The following PHACTR1 variants were observed in gnomAD, a reference collection of about 807,000 sequenced individuals.
The protein encoded by PHACTR1 is RPEL repeat containing 1.
In PHACTR1, 16 loss-of-function variants were observed where a neutral mutation model predicts 69.2. The ratio of observed to expected loss-of-function variants is 0.23; its 90% CI spans 0.16 to 0.35. The LOEUF is 0.35. Among genes scored for constraint, PHACTR1 ranks in the 10% least tolerant of loss-of-function variants. The pLI is 1.00. For synonymous variants in PHACTR1, 312 were observed against 284.5 expected (o/e 1.10, Z -0.97); for missense variants, 510 against 734.7 (o/e 0.69, Z 3.54).
intron 4 of PHACTR1, among the ~76,000 whole-genome samples, chr6:12,855,420 C>A (rs1256871138): frequency 6.6e-6 from 1 of 152,112 alleles, no homozygotes; most frequent in African/African-American, 2.4e-5. Flanking sequence ...CCAATGCACC[C>A]TAGCCTGGGA....
At chr6:12,751,412 G>A (rs1184518225) in intron 4 of PHACTR1, among the ~76,000 whole-genome samples, 1 of 152,180 alleles carries the variant, frequency 6.6e-6, no homozygotes, top group Non-Finnish European at 1.5e-5. Context: ...ACAAAGGACC[G>A]ATAATAGTTT....
At chr6:13,112,668 A>G (rs1051394996) in intron 5 of PHACTR1, among the ~76,000 whole-genome samples, 4 of 152,114 alleles carry the variant, frequency 2.6e-5, no homozygotes, top group Non-Finnish European at 5.9e-5. Context: ...TATGTTGGCC[A>G]CTTGTCATTT....
intron 5 of PHACTR1, among the ~76,000 whole-genome samples, chr6:13,084,634 A>T (rs561041772): frequency 6.6e-6 from 1 of 152,230 alleles, no homozygotes; most frequent in East Asian, 1.9e-4. Context: ...TCTTTTATCA[A>T]TGTAAATAAG....
intron 4 of PHACTR1, among the ~76,000 whole-genome samples, chr6:12,768,263 C>T (rs1052747552): frequency 3.9e-5 from 6 of 151,988 alleles, no homozygotes; most frequent in African/African-American, 1.5e-4. Context: ...TACTGGCACC[C>T]GCCACCATGC....
At chr6:13,052,776 T>A (rs9296591) in intron 4 of PHACTR1, among the ~76,000 whole-genome samples, 11,657 of 152,138 alleles carry the variant, frequency 0.077, 1,464 homozygotes, top group African/African-American at 0.27. Context: ...CAATTGTAAA[T>A]TCTAATGGAA....
At chr6:13,008,289 G>A (rs771644917) in intron 4 of PHACTR1, among the ~76,000 whole-genome samples, 1 of 152,186 alleles carries the variant, frequency 6.6e-6, no homozygotes, top group African/African-American at 2.4e-5. Context: ...ATATGCAGGA[G>A]TGACATTCAA....
intron 10 of PHACTR1, among the ~76,000 whole-genome samples, chr6:13,260,122 TGTACTAA>T (rs1254579788): frequency 7.2e-5 from 11 of 152,220 alleles, no homozygotes; most frequent in African/African-American, 2.7e-4. Flanking sequence ...TGCCAGCTGC[TGTACTAA>T]GTACTAAGAA....
At chr6:12,868,019 G>A (rs1212384202) in intron 4 of PHACTR1, among the ~76,000 whole-genome samples, 1 of 152,104 alleles carries the variant, frequency 6.6e-6, no homozygotes, top group Non-Finnish European at 1.5e-5. Flanking sequence ...CAGCACTTTG[G>A]GAGGCCAAGG....
chr6:13,172,266 G>A (rs1425166493), intron 6 of PHACTR1, among the ~76,000 whole-genome samples: 3 of 152,146 alleles, frequency 2.0e-5, no homozygotes, highest in Non-Finnish European at 4.4e-5. Flanking sequence ...CCCAGAAATA[G>A]CAAGATGGTA....
chr6:12,944,787 A>ATTTATTTTTT (rs1554172585), intron 4 of PHACTR1, among the ~76,000 whole-genome samples: 50 of 116,388 alleles, frequency 4.3e-4, no homozygotes, highest in African/African-American at 1.5e-3. Context: ...ATTTTTATTT[A>ATTTATTTTTT]TTTTTTTTTT....
intron 3 of PHACTR1, among the ~76,000 whole-genome samples, chr6:12,741,052 A>AT (rs1188317514): frequency 6.6e-6 from 1 of 151,288 alleles, no homozygotes; most frequent in East Asian, 1.9e-4. Context: ...CTTTAGATTT[A>AT]TTTTTTCTTC....
chr6:13,010,675 G>T (rs570194917), intron 4 of PHACTR1, among the ~76,000 whole-genome samples: 6 of 152,086 alleles, frequency 3.9e-5, no homozygotes, highest in Non-Finnish European at 7.4e-5. Context: ...TACGTAGTGG[G>T]GTCTTAGGGC....
At chr6:13,243,838 G>A (rs762220512) in intron 10 of PHACTR1, among the ~76,000 whole-genome samples, 21 of 152,184 alleles carry the variant, frequency 1.4e-4, no homozygotes, top group Non-Finnish European at 2.4e-4. Context: ...TTGTAAGTGA[G>A]AACATGTGGT....
intron 3 of PHACTR1, among the ~76,000 whole-genome samples, chr6:12,743,058 T>C (rs1325301519): frequency 6.6e-6 from 1 of 152,192 alleles, no homozygotes; most frequent in Non-Finnish European, 1.5e-5. Context: ...GATTCCAATA[T>C]GTGCCCAGAA....
chr6:13,170,477 T>C (rs1031829250), intron 6 of PHACTR1, among the ~76,000 whole-genome samples: 1 of 152,176 alleles, frequency 6.6e-6, no homozygotes, highest in African/African-American at 2.4e-5. Flanking sequence ...TCCAATGCTC[T>C]ATTACTCCCC....
chr6:13,281,475 AC>A, intron 12 of PHACTR1: 1 of 337,700 alleles, frequency 3.0e-6, no homozygotes, highest in Non-Finnish European at 6.2e-6. Context: ...AGTTACTTGC[AC>A]CCAAGAGGCG....
chr6:12,776,626 G>A (rs1408197418), intron 4 of PHACTR1, among the ~76,000 whole-genome samples: 1 of 152,178 alleles, frequency 6.6e-6, no homozygotes, highest in East Asian at 1.9e-4. Context: ...GGAATTTCAT[G>A]TATCCTAAGT....
intron 4 of PHACTR1, among the ~76,000 whole-genome samples, chr6:12,826,719 G>A (rs1417020524): frequency 6.6e-6 from 1 of 152,108 alleles, no homozygotes; most frequent in Admixed American, 6.5e-5. Context: ...AGAACTTCCA[G>A]GTTTGCACAA....
intron 4 of PHACTR1, among the ~76,000 whole-genome samples, chr6:12,823,453 G>A (rs1029034099): frequency 6.6e-6 from 1 of 152,232 alleles, no homozygotes; most frequent in Admixed American, 6.5e-5. Flanking sequence ...AATAAGACTC[G>A]TGGAATTTTT....
Sources: gnomAD v4.1 joint callset for allele counts (sites outside exome capture counted in the v4.1 genomes callset) on GRCh38, gnomAD v4.1.1 for gene constraint, MANE v1.5 for transcripts, NCBI Gene and HGNC (gene_info 2026-07-23, HGNC 2026-07-21) for gene names.